The following MGAT5 variants were observed in gnomAD, a reference collection of about 807,000 sequenced individuals.
MGAT5 encodes the protein alpha-1,6-mannosylglycoprotein 6-beta-N-acetylglucosaminyltransferase A.
A neutral mutation model predicts 94.3 loss-of-function variants in MGAT5; 30 were observed. The observed-to-expected ratio is 0.32, with a 90% CI of 0.24 to 0.43. The LOEUF is 0.43. Among genes scored for constraint, MGAT5 ranks in the 20% least tolerant of loss-of-function variants. MGAT5 has a pLI of 1.00. For synonymous variants in MGAT5, 310 were observed against 322.9 expected, an observed-to-expected ratio of 0.96 and a Z score of 0.43; for missense variants, 691 against 905.5, an observed-to-expected ratio of 0.76 and a Z score of 3.04.
At chr2:134,228,215 G>A (rs1466166372) in intron 1 of MGAT5, among the ~76,000 whole-genome samples, 1 of 152,180 alleles carries the variant, frequency 6.6e-6, no homozygotes, top group African/African-American at 2.4e-5. Context: ...AGGTAGAAAA[G>A]AATGGGTGCA....
chr2:134,430,020 A>G (rs1684798299), intron 14 of MGAT5, among the ~76,000 whole-genome samples: 1 of 152,234 alleles, frequency 6.6e-6, no homozygotes, highest in African/African-American at 2.4e-5. Context: ...CTCAGGAGAC[A>G]GAAGGTGTCC....
chr2:134,311,188 T>C (rs1686633200), intron 2 of MGAT5, among the ~76,000 whole-genome samples: 1 of 152,214 alleles, frequency 6.6e-6, no homozygotes, highest in South Asian at 2.1e-4. Context: ...TGTAACTTCC[T>C]GGGGTCAACA....
chr2:134,437,073 C>T (rs2106406098), intron 14 of MGAT5, among the ~76,000 whole-genome samples: 1 of 152,382 alleles, frequency 6.6e-6, no homozygotes, highest in African/African-American at 2.4e-5. Context: ...ACGGCAACCT[C>T]TGCCTCCCGG....
At chr2:134,255,763 T>C (rs1401274984) in intron 1 of MGAT5, among the ~76,000 whole-genome samples, 2 of 152,096 alleles carry the variant, frequency 1.3e-5, no homozygotes, top group African/African-American at 4.8e-5. Flanking sequence ...GAGTTGTGTT[T>C]TGTGACCCAC....
rs904661795 is a variant in MGAT5 at position 134,454,145 on chromosome 2, G to A, written c.*5298G>A. ...CACGGCTGGAGAACCCTGTGCTTAT[G>A]TGGTGGGCAGGGCCACTGTTGATGG... On this transcript the variant is annotated 3_prime_UTR_variant, in exon 16 of 16. Coordinates refer to ENST00000281923, the MANE Select transcript of MGAT5 (RefSeq NM_002410.5). The A allele has an allele frequency of 6.6e-6, 1 of 152,330 alleles. No individual in the cohort carries two copies. The highest frequency in any genetic ancestry group is 1.5e-5 in the Non-Finnish European group (1 of 68,114). The allele number at this position is 152,330 out of a possible 1,614,324, so 9.4% of individuals were successfully genotyped here. A position where few individuals can be genotyped will look rare whatever the true frequency, so the allele number is the denominator to read the frequency against.
At chr2:134,252,473 G>T (rs1303500095), upstream of MGAT5, among the ~76,000 whole-genome samples, 3 of 152,166 alleles carry the variant, frequency 2.0e-5, no homozygotes, top group Non-Finnish European at 4.4e-5. Flanking sequence ...AGGCTGCCTG[G>T]TCAAGGGCTC....
At chr2:134,120,388 A>G in intron 1 of MGAT5, 2 of 362,904 alleles carry the variant, frequency 5.5e-6, no homozygotes, top group Non-Finnish European at 4.9e-6. Context: ...ACGGGGAACC[A>G]GGCGCGGGCG....
At chr2:134,289,187 A>C (rs373263055) in intron 2 of MGAT5, among the ~76,000 whole-genome samples, 2 of 152,126 alleles carry the variant, frequency 1.3e-5, no homozygotes, top group African/African-American at 4.8e-5. Flanking sequence ...GCAGTGTGCC[A>C]GTCTCTCCTC....
intron 1 of MGAT5, among the ~76,000 whole-genome samples, chr2:134,206,759 A>G (rs557211084): frequency 6.6e-6 from 1 of 152,334 alleles, no homozygotes; most frequent in South Asian, 2.1e-4. Context: ...CCACAGAAGT[A>G]GGAATTAGCA....
At chr2:134,246,341 T>G (rs533503009) in intron 1 of MGAT5, among the ~76,000 whole-genome samples, 1 of 152,292 alleles carries the variant, frequency 6.6e-6, no homozygotes, top group Non-Finnish European at 1.5e-5. Context: ...GGGCACCTGC[T>G]GAGTGGGCTC....
intron 12 of MGAT5, among the ~76,000 whole-genome samples, chr2:134,420,384 G>A (rs1192534684): frequency 1.3e-5 from 2 of 152,164 alleles, no homozygotes; most frequent in East Asian, 1.9e-4. Context: ...GAGCTGAGCC[G>A]AGGAAGACAG....
intron 4 of MGAT5, among the ~76,000 whole-genome samples, chr2:134,331,545 C>G (rs998736721): frequency 6.6e-6 from 1 of 152,090 alleles, no homozygotes; most frequent in Non-Finnish European, 1.5e-5. Context: ...ACTGTCCAGT[C>G]CCTTCCCTGG....
chr2:134,423,647 C>T (rs990168207), intron 13 of MGAT5, among the ~76,000 whole-genome samples: 3 of 152,132 alleles, frequency 2.0e-5, no homozygotes, highest in African/African-American at 7.2e-5. Context: ...TTAAGAGAAG[C>T]CGGGGTAGGC....
chr2:134,213,999 A>G (rs1680338144), intron 1 of MGAT5, among the ~76,000 whole-genome samples: 2 of 152,108 alleles, frequency 1.3e-5, no homozygotes, highest in Non-Finnish European at 2.9e-5. Flanking sequence ...CTCTAGTCAT[A>G]CAGTGGTCTT....
chr2:134,218,566 C>T (rs1242912745), intron 1 of MGAT5, among the ~76,000 whole-genome samples: 1 of 152,132 alleles, frequency 6.6e-6, no homozygotes, highest in Admixed American at 6.5e-5. Flanking sequence ...CCACGGGGCT[C>T]CCTTCCACAT....
At chr2:134,332,246 A>G (rs967893576) in intron 4 of MGAT5, among the ~76,000 whole-genome samples, 1 of 152,116 alleles carries the variant, frequency 6.6e-6, no homozygotes, top group Non-Finnish European at 1.5e-5. Flanking sequence ...AGAGATCTAG[A>G]TCAATGGAAC....
At chr2:134,146,704 A>G (rs1329921901) in intron 1 of MGAT5, among the ~76,000 whole-genome samples, 2 of 152,178 alleles carry the variant, frequency 1.3e-5, no homozygotes, top group African/African-American at 4.8e-5. Context: ...GCTGCTTTAC[A>G]TAGACCAGGG....
intron 1 of MGAT5, among the ~76,000 whole-genome samples, chr2:134,125,407 C>G (rs1191746967): frequency 6.6e-6 from 1 of 152,102 alleles, no homozygotes; most frequent in Non-Finnish European, 1.5e-5. Flanking sequence ...GTGAGTATGC[C>G]CTGTACTAGC....
chr2:134,368,421 CA>C (rs1476543916), intron 10 of MGAT5, among the ~76,000 whole-genome samples: 1 of 152,232 alleles, frequency 6.6e-6, no homozygotes, highest in Non-Finnish European at 1.5e-5. Flanking sequence ...GCCTTGGCAA[CA>C]ACCAAAGTCA....
Sources: gnomAD v4.1 joint callset for allele counts (sites outside exome capture counted in the v4.1 genomes callset) on GRCh38, gnomAD v4.1.1 for gene constraint, MANE v1.5 for transcripts, NCBI Gene and HGNC (gene_info 2026-07-23, HGNC 2026-07-21) for gene names.